The following YPEL2 variants were observed in gnomAD, a reference collection of about 807,000 sequenced individuals.
YPEL2 encodes yippee like 2, also known as protein yippee-like 2.
YPEL2 carries 2 observed loss-of-function variants against 19.1 expected under a neutral mutation model. The observed-to-expected ratio is 0.10, with a 90% CI of 0.04 to 0.33. The LOEUF is 0.33. Among genes scored for constraint, YPEL2 ranks in the 10% least tolerant of loss-of-function variants. The pLI is 1.00. For missense variants in YPEL2, 66 were observed against 140.7 expected, an observed-to-expected ratio of 0.47 and a Z score of 2.68; for synonymous variants, 52 against 50.0, an observed-to-expected ratio of 1.04 and a Z score of -0.17.
At chr17:59,332,282 G>A (rs1167395379) in intron 1 of YPEL2, among the ~76,000 whole-genome samples, 3 of 152,160 alleles carry the variant, frequency 2.0e-5, no homozygotes, top group South Asian at 4.1e-4. Context: ...GAGTCCTGGG[G>A]ACACTTAGGT....
intron 2 of YPEL2, among the ~76,000 whole-genome samples, chr17:59,360,048 C>T (rs112124219): frequency 0.012 from 1,811 of 152,172 alleles, 34 homozygotes; most frequent in African/African-American, 0.041. Context: ...TACAGGCATG[C>T]GCCACCACAC....
intron 2 of YPEL2, among the ~76,000 whole-genome samples, chr17:59,374,981 G>T (rs1164234545): frequency 1.3e-5 from 2 of 152,222 alleles, no homozygotes; most frequent in Non-Finnish European, 2.9e-5. Flanking sequence ...AAGTGTTACA[G>T]TGCCAAGGAT....
At chr17:59,346,499 T>C (rs2047757231) in intron 1 of YPEL2, among the ~76,000 whole-genome samples, 1 of 151,656 alleles carries the variant, frequency 6.6e-6, no homozygotes, top group Non-Finnish European at 1.5e-5. Flanking sequence ...GGACGCAGAG[T>C]AAGTTCGCCT....
rs758129955 is a variant in YPEL2, at chr17:59,400,361, T to C, written c.*3171T>C. The C allele has an allele frequency of 1.1e-3, 168 of 152,626 alleles. No individual in the cohort carries two copies. Among genetic ancestry groups the C allele is most frequent in the Non-Finnish European group, 2.3e-3 (155 of 68,044 alleles). 9.5% of individuals were successfully genotyped at this position (152,626 alleles called of 1,614,324 possible). On this transcript the variant is annotated 3_prime_UTR_variant, in exon 5 of 5. Transcript: ENST00000312655. ...ATAATATTTAATTTTTTAAATAATA[T>C]ATTTGGTGCTGTTTTCTCAGATCCC...
intron 2 of YPEL2, among the ~76,000 whole-genome samples, chr17:59,370,574 A>G (rs1402873326): frequency 1.3e-5 from 2 of 152,154 alleles, no homozygotes; most frequent in Non-Finnish European, 2.9e-5. Flanking sequence ...AGAGGAACCC[A>G]ACACAAGCCC....
At chr17:59,387,095 A>G (rs2047983930) in intron 2 of YPEL2, among the ~76,000 whole-genome samples, 1 of 151,980 alleles carries the variant, frequency 6.6e-6, no homozygotes, top group African/African-American at 2.4e-5. Context: ...CCCTGTCTCT[A>G]CTAAAAATAC....
intron 1 of YPEL2, among the ~76,000 whole-genome samples, chr17:59,342,348 A>G (rs558718982): frequency 6.6e-6 from 1 of 152,328 alleles, no homozygotes; most frequent in South Asian, 2.1e-4. Context: ...TAATCACCTC[A>G]GTAAAAGTAC....
chr17:59,364,884 G>C (rs1205185286), intron 2 of YPEL2, among the ~76,000 whole-genome samples: 4 of 152,092 alleles, frequency 2.6e-5, no homozygotes, highest in Non-Finnish European at 5.9e-5. Flanking sequence ...CACTGGCCTC[G>C]GCCTCCCAAA....
At chr17:59,337,598 A>G (rs536580571) in intron 1 of YPEL2, among the ~76,000 whole-genome samples, 1 of 152,288 alleles carries the variant, frequency 6.6e-6, no homozygotes, top group African/African-American at 2.4e-5. Flanking sequence ...GATAAATGCT[A>G]TAAATGCTAT....
In YPEL2 at chr17:59,391,695, C is replaced by T. The variant is rs185763714; in HGVS notation, c.270+2227C>T. ...GGTGGATCACCTGAGGTCAAGAGTT[C>T]GAGACCCGCCTGGCCAACATATAGT... On this transcript the variant is annotated intron_variant, in intron 4 of 4. Coordinates refer to ENST00000312655, the MANE Select transcript of YPEL2 (RefSeq NM_001005404.4). Among the ~76,000 whole-genome samples the T allele has an allele frequency of 4.0e-3, 602 of 152,092 alleles. 3 individuals are homozygous for T. The highest frequency in any genetic ancestry group is 0.013 in the African/African-American group (556 of 41,488).
At chr17:59,358,907 CT>C (rs374051177) in intron 2 of YPEL2, among the ~76,000 whole-genome samples, 32 of 137,894 alleles carry the variant, frequency 2.3e-4, no homozygotes, top group East Asian at 1.3e-3. Flanking sequence ...TGCACCTGGC[CT>C]TTTTTTTTTT....
intron 4 of YPEL2, among the ~76,000 whole-genome samples, chr17:59,390,061 C>T (rs376361984): frequency 3.9e-5 from 6 of 152,104 alleles, no homozygotes; most frequent in African/African-American, 7.2e-5. Context: ...AGTACAGTGG[C>T]GCAATCTCAG....
At chr17:59,368,929 C>G (rs2047883737) in intron 2 of YPEL2, among the ~76,000 whole-genome samples, 1 of 152,140 alleles carries the variant, frequency 6.6e-6, no homozygotes, top group Admixed American at 6.5e-5. Flanking sequence ...CATGCCATAG[C>G]TGTTTAAAAA....
rs1046045 is a variant in YPEL2 at position 59,401,413 on chromosome 17, T to C, written c.*4223T>C. The C allele has an allele frequency of 0.061, 9,270 of 152,722 alleles. 326 individuals carry two copies. Among genetic ancestry groups the C allele is most frequent in the South Asian group, 0.15 (735 of 4,832 alleles). The allele number at this position is 152,722 out of a possible 1,614,324, so 9.5% of individuals were successfully genotyped here. A position where few individuals can be genotyped will look rare whatever the true frequency, so the allele number is the denominator to read the frequency against. ...ACCAAATTCTATCTGCGCATATGTT[T>C]TTGTATAACATTTCGGTGACAGTGG... On this transcript the variant is annotated 3_prime_UTR_variant, in exon 5 of 5. Transcript: ENST00000312655.
At chr17:59,394,591 C>G (rs1221404271) in intron 4 of YPEL2, among the ~76,000 whole-genome samples, 1 of 150,594 alleles carries the variant, frequency 6.6e-6, no homozygotes, top group African/African-American at 2.4e-5. Flanking sequence ...CAGAGACGCT[C>G]CTCACTTTCC....
At chr17:59,349,361 T>A (rs1160801590) in intron 1 of YPEL2, among the ~76,000 whole-genome samples, 2 of 115,308 alleles carry the variant, frequency 1.7e-5, no homozygotes, top group Non-Finnish European at 3.4e-5. Context: ...TTTTTTTCTT[T>A]TTTTTTTTTT....
Position 59,400,255 on chromosome 17 carries a change from G to A in YPEL2, c.*3065G>A, listed in dbSNP as rs758379. On this transcript the variant is annotated 3_prime_UTR_variant, in exon 5 of 5. Transcript: ENST00000312655. ...TTTTTACTGGTGGATCAGTGTGTGC[G>A]AAAGAGATGACCCTTTATAAAGAGA... 0.68 allele frequency: 103,959 copies of A among 152,512 alleles called. 36,638 individuals carry two copies. The highest frequency in any genetic ancestry group is 0.86 in the African/African-American group (35,903 of 41,528). 9.4% of individuals were successfully genotyped at this position (152,512 alleles called of 1,614,324 possible).
intron 4 of YPEL2, among the ~76,000 whole-genome samples, chr17:59,392,896 C>T (rs899192065): frequency 1.3e-5 from 2 of 152,160 alleles, no homozygotes; most frequent in Admixed American, 6.5e-5. Context: ...GTGATCCCCC[C>T]ACCTTGGTCT....
chr17:59,388,414 G>A (rs112521166), intron 3 of YPEL2, 44 bp downstream of exon 3: 3 of 1,592,602 alleles, frequency 1.9e-6, no homozygotes, highest in Middle Eastern at 1.7e-4. Flanking sequence ...GTACAGATTC[G>A]AGGGATGGGA....
Sources: gnomAD v4.1 joint callset for allele counts (sites outside exome capture counted in the v4.1 genomes callset) on GRCh38, gnomAD v4.1.1 for gene constraint, MANE v1.5 for transcripts, NCBI Gene and HGNC (gene_info 2026-07-23, HGNC 2026-07-21) for gene names.